The following TINAG variants were observed in gnomAD, a reference collection of about 807,000 sequenced individuals.
TINAG encodes the protein tubulointerstitial nephritis antigen.
TINAG carries 83 observed loss-of-function variants against 72.7 expected under a neutral mutation model. That is an observed-to-expected ratio of 1.14 (90% CI 0.96 to 1.37). The LOEUF (loss-of-function observed/expected upper bound fraction) is 1.37, where lower values mean the gene tolerates loss of function less well. TINAG is among the 40% of genes most tolerant of loss of function. The pLI is 0.00. For missense variants in TINAG, 685 were observed against 576.6 expected, an observed-to-expected ratio of 1.19 and a Z score of -1.93; for synonymous variants, 234 against 189.9, an observed-to-expected ratio of 1.23 and a Z score of -1.91.
chr6:54,354,750 T>C, intron 9 of TINAG, 114 bp downstream of exon 9: 1 of 1,185,456 alleles, frequency 8.4e-7, no homozygotes, highest in Non-Finnish European at 1.2e-6. Context: ...GTGATACAAA[T>C]GAAAAATGAT....
intron 9 of TINAG, among the ~76,000 whole-genome samples, chr6:54,363,401 A>T (rs1326338749): frequency 1.3e-5 from 2 of 151,506 alleles, no homozygotes; most frequent in Non-Finnish European, 3.0e-5. Flanking sequence ...AGATGGTGGA[A>T]GAGTTGGGAG....
At position 54,347,528 on chromosome 6, in the gene TINAG, G is replaced by C. The variant is rs754221126; in HGVS notation, c.899+11G>C. 1 of 1,611,062 alleles carries C rather than the reference G, an allele frequency of 6.2e-7. No homozygotes were observed. Among genetic ancestry groups the C allele is most frequent in the South Asian group, 1.1e-5 (1 of 90,726 alleles). On this transcript the variant is annotated intron_variant, in intron 6 of 10. Transcript: ENST00000259782. ...CCTGAGAAAACGTGGGTAAATAGCT[G>C]CTCAACATGTGTTTCTAGGATTTTT... is the stretch of plus-strand genomic sequence containing the variant.
intron 4 of TINAG, among the ~76,000 whole-genome samples, chr6:54,338,181 A>G (rs1784911709): frequency 1.3e-5 from 2 of 152,152 alleles, no homozygotes; most frequent in Non-Finnish European, 2.9e-5. Context: ...TGCACTAGTC[A>G]CAGTCTGATG....
intron 10 of TINAG, among the ~76,000 whole-genome samples, chr6:54,389,504 C>T (rs1423492682): frequency 1.3e-5 from 2 of 152,174 alleles, no homozygotes; most frequent in Admixed American, 6.6e-5. Context: ...ATAACTGCAG[C>T]TTGCATGCCA....
intron 7 of TINAG, among the ~76,000 whole-genome samples, chr6:54,350,355 T>A (rs1785236179): frequency 6.6e-6 from 1 of 152,002 alleles, no homozygotes; most frequent in Admixed American, 6.6e-5. Context: ...ATTTACTTCT[T>A]CATATCAGTG....
chr6:54,359,361 C>T (rs748683699), intron 9 of TINAG, among the ~76,000 whole-genome samples: 4 of 151,768 alleles, frequency 2.6e-5, no homozygotes, highest in Non-Finnish European at 5.9e-5. Flanking sequence ...AAATTTTCTA[C>T]CACACACTAG....
chr6:54,360,144 G>C (rs1344654162), intron 9 of TINAG, among the ~76,000 whole-genome samples: 1 of 151,620 alleles, frequency 6.6e-6, no homozygotes, highest in African/African-American at 2.4e-5. Flanking sequence ...AGGTGATAAA[G>C]GCTATATATT....
chr6:54,319,913 A>G (rs1784450787), intron 1 of TINAG, among the ~76,000 whole-genome samples: 3 of 152,096 alleles, frequency 2.0e-5, no homozygotes, highest in Admixed American at 1.3e-4. Context: ...TTTTTACAAT[A>G]TGTTACTAGT....
At chr6:54,327,966 G>A (rs1475210915) in intron 4 of TINAG, among the ~76,000 whole-genome samples, 2 of 152,166 alleles carry the variant, frequency 1.3e-5, no homozygotes, top group African/African-American at 4.8e-5. Flanking sequence ...AGCAGCTCCA[G>A]TCAGTGGCTT....
intron 9 of TINAG, among the ~76,000 whole-genome samples, chr6:54,362,966 A>G (rs2150968747): frequency 6.6e-6 from 1 of 151,722 alleles, no homozygotes; most frequent in East Asian, 2.0e-4. Flanking sequence ...TATTTTATAA[A>G]GGAAAGGTAG....
At chr6:54,363,930 C>G (rs1368592119) in intron 9 of TINAG, among the ~76,000 whole-genome samples, 1 of 151,508 alleles carries the variant, frequency 6.6e-6, no homozygotes, top group Non-Finnish European at 1.5e-5. Flanking sequence ...AGTGGTAACT[C>G]TGTTGTATCT....
At chr6:54,377,231 G>T (rs930565100) in intron 9 of TINAG, among the ~76,000 whole-genome samples, 1 of 152,088 alleles carries the variant, frequency 6.6e-6, no homozygotes, top group Non-Finnish European at 1.5e-5. Context: ...ACCTCAGTAG[G>T]CCAGGTACAG....
intron 9 of TINAG, among the ~76,000 whole-genome samples, chr6:54,366,147 T>G (rs1222313420): frequency 1.3e-5 from 2 of 151,672 alleles, no homozygotes; most frequent in Non-Finnish European, 3.0e-5. Context: ...TATTATTTCA[T>G]TTTGCCAGAA....
At chr6:54,334,313 C>G (rs1784811340) in intron 4 of TINAG, among the ~76,000 whole-genome samples, 1 of 152,152 alleles carries the variant, frequency 6.6e-6, no homozygotes, top group African/African-American at 2.4e-5. Flanking sequence ...CTTTAGCAGG[C>G]AAGATTATTG....
chr6:54,339,197 A>G (rs1784940612), intron 4 of TINAG, among the ~76,000 whole-genome samples: 1 of 152,202 alleles, frequency 6.6e-6, no homozygotes, highest in South Asian at 2.1e-4. Flanking sequence ...TGAAAGTGAC[A>G]AAAATTTAAA....
intron 10 of TINAG, among the ~76,000 whole-genome samples, chr6:54,381,367 T>A (rs1763944588): frequency 6.6e-6 from 1 of 151,416 alleles, no homozygotes; most frequent in Non-Finnish European, 1.5e-5. Flanking sequence ...ACTTTTTTTA[T>A]ACAGATAGAA....
In TINAG at chr6:54,339,942, A is replaced by C. The variant is rs548550219; in HGVS notation, c.625-3284A>C. 9.3e-4 allele frequency among the ~76,000 whole-genome samples: 142 copies of C among 152,320 alleles called. 1 individual carries two copies. Among genetic ancestry groups the C allele is most frequent in the African/African-American group, 3.3e-3 (139 of 41,580 alleles). ...GATGCACATAGAGGATATTGTGTGG[A>C]TACAGACTCAATTGTAAGAATGTCT... On this transcript the variant is annotated intron_variant, in intron 4 of 10. Coordinates refer to ENST00000259782, the MANE Select transcript of TINAG (RefSeq NM_014464.4).
intron 4 of TINAG, among the ~76,000 whole-genome samples, chr6:54,339,803 G>C (rs758601581): frequency 1.2e-4 from 19 of 152,114 alleles, no homozygotes; most frequent in Non-Finnish European, 2.2e-4. Flanking sequence ...ACTGACCTTA[G>C]ATTGTAAAGG....
At chr6:54,354,362 A>C (rs1406465687) in intron 8 of TINAG, 151 bp from the exon 9 acceptor site, 1 of 646,880 alleles carries the variant, frequency 1.5e-6, no homozygotes, top group Non-Finnish European at 2.5e-6. Flanking sequence ...TAATTAATTA[A>C]GTAGGAAAGA....
Sources: gnomAD v4.1 joint callset for allele counts (sites outside exome capture counted in the v4.1 genomes callset) on GRCh38, gnomAD v4.1.1 for gene constraint, MANE v1.5 for transcripts, NCBI Gene and HGNC (gene_info 2026-07-23, HGNC 2026-07-21) for gene names.